PRICKLE2: variants seen among roughly 807,000 people sequenced by gnomAD.
The protein encoded by PRICKLE2 is prickle planar cell polarity protein 2.
In PRICKLE2, 21 loss-of-function variants were observed where a neutral mutation model predicts 81.4. That is an observed-to-expected ratio of 0.26 (90% CI 0.18 to 0.37). The LOEUF is 0.37. PRICKLE2 is among the 10% of genes least tolerant of loss of function. The pLI is 1.00. For missense variants in PRICKLE2, 940 were observed against 1,109.0 expected (o/e 0.85, Z 2.16); for synonymous variants, 456 against 421.5 (o/e 1.08, Z -1.00).
At chr3:64,220,347 A>G (rs1262553149) in intron 1 of PRICKLE2, among the ~76,000 whole-genome samples, 1 of 152,166 alleles carries the variant, frequency 6.6e-6, no homozygotes, top group Non-Finnish European at 1.5e-5. Context: ...CGAGGAGAGG[A>G]GGGTGACTTG....
intron 2 of PRICKLE2, among the ~76,000 whole-genome samples, chr3:64,237,133 G>A (rs1015729275): frequency 3.9e-5 from 6 of 152,226 alleles, no homozygotes; most frequent in Middle Eastern, 3.4e-3. Context: ...ATGCAAGCCC[G>A]CAGCAGTGTC....
intron 1 of PRICKLE2, among the ~76,000 whole-genome samples, chr3:64,216,306 C>T (rs937906662): frequency 1.3e-5 from 2 of 152,170 alleles, no homozygotes; most frequent in African/African-American, 4.8e-5. Flanking sequence ...TGGACATATG[C>T]ACATTCACAG....
chr3:64,117,730 T>G (rs577096472), intron 7 of PRICKLE2, among the ~76,000 whole-genome samples: 1 of 152,292 alleles, frequency 6.6e-6, no homozygotes, highest in Admixed American at 6.5e-5. Context: ...ACACATTCCA[T>G]GCTCATTGAC....
intron 2 of PRICKLE2, among the ~76,000 whole-genome samples, chr3:64,236,068 G>A (rs975903762): frequency 5.3e-5 from 8 of 151,922 alleles, no homozygotes; most frequent in African/African-American, 1.5e-4. Context: ...TATACCCTTG[G>A]GACAATTTCC....
chr3:64,215,051 A>G (rs908030685), intron 1 of PRICKLE2, among the ~76,000 whole-genome samples: 2 of 152,032 alleles, frequency 1.3e-5, no homozygotes, highest in Non-Finnish European at 1.5e-5. Context: ...TCTAATTTCC[A>G]CCACCGTTTG....
At chr3:64,184,831 C>G (rs569784500) in intron 2 of PRICKLE2, among the ~76,000 whole-genome samples, 7 of 152,184 alleles carry the variant, frequency 4.6e-5, no homozygotes, top group Non-Finnish European at 8.8e-5. Context: ...GAATTCTTGA[C>G]TATCCACACA....
intron 2 of PRICKLE2, among the ~76,000 whole-genome samples, chr3:64,264,055 A>C (rs1027061462): frequency 2.7e-5 from 4 of 149,652 alleles, no homozygotes; most frequent in Admixed American, 6.6e-5. Flanking sequence ...CGCCCACCCC[A>C]CCCCCCACTC....
chr3:64,142,557 T>C (rs940656222), intron 7 of PRICKLE2, among the ~76,000 whole-genome samples: 2 of 152,128 alleles, frequency 1.3e-5, no homozygotes, highest in African/African-American at 4.8e-5. Context: ...GTGATCCACC[T>C]GCCTTGGCCT....
At chr3:64,111,120 C>G (rs528509407) in intron 7 of PRICKLE2, among the ~76,000 whole-genome samples, 1 of 152,258 alleles carries the variant, frequency 6.6e-6, no homozygotes, top group African/African-American at 2.4e-5. Flanking sequence ...CAGGCCTGGA[C>G]TCTTTTGTGC....
At chr3:64,153,670 C>A in intron 5 of PRICKLE2, 2 of 378,060 alleles carry the variant, frequency 5.3e-6, no homozygotes, top group Non-Finnish European at 9.8e-6. Context: ...ACTGACAGCT[C>A]ACAGGCACAT....
chr3:64,120,524 C>T (rs927854926), intron 7 of PRICKLE2, among the ~76,000 whole-genome samples: 3 of 152,114 alleles, frequency 2.0e-5, no homozygotes, highest in African/African-American at 7.2e-5. Flanking sequence ...TCTAAGGCAA[C>T]CTCTTCTCAA....
intron 2 of PRICKLE2, among the ~76,000 whole-genome samples, chr3:64,177,125 C>CTTTTTTTT (rs10690677): frequency 9.9e-5 from 7 of 70,838 alleles, no homozygotes; most frequent in Admixed American, 2.7e-4. Flanking sequence ...CCATTTTAAC[C>CTTTTTTTT]TTTTTTTTTT....
At chr3:64,150,463 G>A (rs924521380) in intron 6 of PRICKLE2, among the ~76,000 whole-genome samples, 6 of 152,002 alleles carry the variant, frequency 3.9e-5, no homozygotes, top group African/African-American at 1.2e-4. Flanking sequence ...CTCTCTCTTC[G>A]CTGAGGGTCA....
chr3:64,224,367 G>A (rs554121048), intron 1 of PRICKLE2, among the ~76,000 whole-genome samples: 35 of 152,268 alleles, frequency 2.3e-4, no homozygotes, highest in African/African-American at 6.0e-4. Flanking sequence ...CAGCATAGAG[G>A]GCAAACCGAA....
chr3:64,140,647 A>G (rs1202969241), intron 7 of PRICKLE2, among the ~76,000 whole-genome samples: 1 of 152,056 alleles, frequency 6.6e-6, no homozygotes, highest in Non-Finnish European at 1.5e-5. Flanking sequence ...CCTGACCTCT[A>G]ATTTGCAACT....
chr3:64,259,262 G>C (rs1253217935), intron 2 of PRICKLE2, among the ~76,000 whole-genome samples: 1 of 152,142 alleles, frequency 6.6e-6, no homozygotes, highest in Admixed American at 6.5e-5. Flanking sequence ...ATAACAGTAA[G>C]CCAATATTTA....
At chr3:64,179,449 T>C (rs1338628671) in intron 2 of PRICKLE2, among the ~76,000 whole-genome samples, 1 of 152,278 alleles carries the variant, frequency 6.6e-6, no homozygotes, top group African/African-American at 2.4e-5. Context: ...CACTTCACTA[T>C]GCTTGGGGCT....
At chr3:64,256,842 C>T (rs1282670476) in intron 2 of PRICKLE2, among the ~76,000 whole-genome samples, 1 of 152,158 alleles carries the variant, frequency 6.6e-6, no homozygotes, top group Non-Finnish European at 1.5e-5. Flanking sequence ...TCCCATGTCT[C>T]CCTCCCTATC....
intron 1 of PRICKLE2, among the ~76,000 whole-genome samples, chr3:64,211,260 T>A (rs752456038): frequency 7.9e-5 from 12 of 152,216 alleles, no homozygotes; most frequent in Non-Finnish European, 1.3e-4. Flanking sequence ...CTTGTGGCAG[T>A]CAACTTCATT....
Sources: gnomAD v4.1 joint callset for allele counts (sites outside exome capture counted in the v4.1 genomes callset) on GRCh38, gnomAD v4.1.1 for gene constraint, MANE v1.5 for transcripts, NCBI Gene and HGNC (gene_info 2026-07-23, HGNC 2026-07-21) for gene names.